Variants in ATP9A observed in about 807,000 individuals in gnomAD.
The protein encoded by ATP9A is probable phospholipid-transporting ATPase IIA.
A neutral mutation model predicts 144.1 loss-of-function variants in ATP9A; 52 were observed. The observed-to-expected ratio is 0.36, with a 90% CI of 0.29 to 0.45. The LOEUF (loss-of-function observed/expected upper bound fraction) is 0.45, where lower values mean the gene tolerates loss of function less well. Ranked by LOEUF, ATP9A falls within the 20% of genes least tolerant of loss-of-function variation. The pLI is 1.00. For synonymous variants in ATP9A, 582 were observed against 557.4 expected (o/e 1.04, Z -0.62); for missense variants, 947 against 1,392.7 (o/e 0.68, Z 5.09).
intron 22 of ATP9A, among the ~76,000 whole-genome samples, 167 bp downstream of exon 22, chr20:51,617,323 A>G (rs2077207226): frequency 6.6e-6 from 1 of 152,168 alleles, no homozygotes; most frequent in Non-Finnish European, 1.5e-5. Context: ...AGATGTAGCA[A>G]TACAGACCTC....
At chr20:51,640,129 G>C (rs537913757) in intron 14 of ATP9A, among the ~76,000 whole-genome samples, 1 of 151,858 alleles carries the variant, frequency 6.6e-6, no homozygotes, top group Non-Finnish European at 1.5e-5. Context: ...AGGAGCAATT[G>C]GCACAATTAC....
At chr20:51,635,432 T>C (rs1000652669) in intron 15 of ATP9A, among the ~76,000 whole-genome samples, 1 of 152,010 alleles carries the variant, frequency 6.6e-6, no homozygotes, top group Admixed American at 6.6e-5. Context: ...AACCATCAGA[T>C]AGCAAATAGA....
intron 1 of ATP9A, among the ~76,000 whole-genome samples, chr20:51,765,649 A>G (rs1157074783): frequency 6.7e-6 from 1 of 150,098 alleles, no homozygotes; most frequent in Non-Finnish European, 1.5e-5. Flanking sequence ...TCTCAAAAAA[A>G]AAAAACAGAA....
rs141156391 is a variant in ATP9A at position 51,681,845 on chromosome 20, T to C, written c.800-5637A>G. On this transcript the variant is annotated intron_variant, in intron 9 of 27. Coordinates refer to ENST00000338821, the MANE Select transcript of ATP9A (RefSeq NM_006045.3). ...CAGCACCGAACAGGTGCGCTCTTGCTGCATGAAAAGGAGGACGGAAGGAGA... is the reference window on the plus strand; with the variant it reads ...CAGCACCGAACAGGTGCGCTCTTGCCGCATGAAAAGGAGGACGGAAGGAGA... 4.2e-3 allele frequency among the ~76,000 whole-genome samples: 635 copies of C among 152,316 alleles called. 3 individuals are homozygous for C. The highest frequency in any genetic ancestry group is 0.014 in the African/African-American group (588 of 41,566).
At chr20:51,692,038 G>A (rs1416775260) in intron 7 of ATP9A, among the ~76,000 whole-genome samples, 1 of 152,154 alleles carries the variant, frequency 6.6e-6, no homozygotes, top group Admixed American at 6.6e-5. Flanking sequence ...AGGAACTTAG[G>A]GTAGTTTAAT....
chr20:51,604,720 G>T, intron 27 of ATP9A, 97 bp downstream of exon 27: 1 of 1,153,448 alleles, frequency 8.7e-7, no homozygotes, highest in Non-Finnish European at 1.2e-6. Flanking sequence ...AGCCCAGGCC[G>T]AGCGCTGGGA....
chr20:51,723,358 A>G (rs948240803), intron 3 of ATP9A, among the ~76,000 whole-genome samples: 2 of 151,768 alleles, frequency 1.3e-5, no homozygotes, highest in South Asian at 4.2e-4. Flanking sequence ...TAAAGAACTT[A>G]CTCATGTAAC....
intron 24 of ATP9A, among the ~76,000 whole-genome samples, chr20:51,609,534 A>C (rs999330457): frequency 3.9e-5 from 6 of 152,198 alleles, no homozygotes; most frequent in African/African-American, 1.4e-4. Context: ...TGAAAAGGTC[A>C]GAAGGATCAT....
intron 17 of ATP9A, among the ~76,000 whole-genome samples, chr20:51,626,517 A>G (rs2077249366): frequency 1.3e-5 from 2 of 151,586 alleles, no homozygotes. Flanking sequence ...AAGAAAAGAA[A>G]TTAGGGAGCC....
intron 23 of ATP9A, among the ~76,000 whole-genome samples, 156 bp downstream of exon 23, chr20:51,613,521 G>A (rs1307442868): frequency 2.0e-5 from 3 of 152,190 alleles, no homozygotes; most frequent in East Asian, 1.9e-4. Flanking sequence ...TTAAACTGGC[G>A]AGGTAGGGGT....
intron 4 of ATP9A, among the ~76,000 whole-genome samples, chr20:51,701,818 A>G (rs1461245424): frequency 6.6e-6 from 1 of 152,136 alleles, no homozygotes; most frequent in Non-Finnish European, 1.5e-5. Flanking sequence ...GCTACTGCAG[A>G]GTGCTGTCAA....
chr20:51,714,553 A>C (rs951914194), intron 3 of ATP9A, among the ~76,000 whole-genome samples: 1 of 152,140 alleles, frequency 6.6e-6, no homozygotes, highest in Non-Finnish European at 1.5e-5. Flanking sequence ...TTTTTACTAG[A>C]GACAGGGTTT....
chr20:51,758,268 T>C (rs1416332832), intron 1 of ATP9A, among the ~76,000 whole-genome samples: 1 of 152,168 alleles, frequency 6.6e-6, no homozygotes, highest in Admixed American at 6.6e-5. Flanking sequence ...TCAGAATCAT[T>C]CTAAATGTCA....
intron 4 of ATP9A, among the ~76,000 whole-genome samples, chr20:51,710,801 G>C (rs1280037779): frequency 2.6e-5 from 4 of 152,162 alleles, no homozygotes; most frequent in Non-Finnish European, 5.9e-5. Flanking sequence ...TGAAGCAAGA[G>C]CTGGGAAGGG....
chr20:51,712,492 T>G (rs2077643997), intron 4 of ATP9A, among the ~76,000 whole-genome samples: 1 of 152,254 alleles, frequency 6.6e-6, no homozygotes, highest in South Asian at 2.1e-4. Context: ...ATTTATAAAA[T>G]GCCTTCAAAG....
intron 14 of ATP9A, among the ~76,000 whole-genome samples, chr20:51,645,890 G>A (rs112057609): frequency 6.7e-4 from 102 of 152,366 alleles, no homozygotes; most frequent in African/African-American, 2.3e-3. Flanking sequence ...ACACAAGATA[G>A]AGGATTTCAG....
chr20:51,740,803 G>A (rs1295569226), intron 1 of ATP9A, among the ~76,000 whole-genome samples: 2 of 151,700 alleles, frequency 1.3e-5, no homozygotes, highest in African/African-American at 2.4e-5. Context: ...TCCAACTCCT[G>A]GTCTCAAGCA....
At chr20:51,616,204 A>G in intron 22 of ATP9A, among the ~76,000 whole-genome samples, 1 of 152,146 alleles carries the variant, frequency 6.6e-6, no homozygotes, top group Non-Finnish European at 1.5e-5. Context: ...GGTGGTAAAG[A>G]GGGGGAAAAA....
intron 1 of ATP9A, among the ~76,000 whole-genome samples, chr20:51,763,183 C>A (rs1261101198): frequency 2.0e-5 from 3 of 151,842 alleles, no homozygotes; most frequent in African/African-American, 7.3e-5. Context: ...GGGACTGGGG[C>A]AAGGGCAGGG....
Sources: gnomAD v4.1 joint callset for allele counts (sites outside exome capture counted in the v4.1 genomes callset) on GRCh38, gnomAD v4.1.1 for gene constraint, MANE v1.5 for transcripts, NCBI Gene and HGNC (gene_info 2026-07-23, HGNC 2026-07-21) for gene names.